The following RIN3 variants were observed in gnomAD, a reference collection of about 807,000 sequenced individuals.
RIN3 encodes RAB5 interacting protein 3.
RIN3 carries 54 observed loss-of-function variants against 76.3 expected under a neutral mutation model. The ratio of observed to expected loss-of-function variants is 0.71; its 90% CI spans 0.57 to 0.89. The LOEUF (loss-of-function observed/expected upper bound fraction) is 0.89, where lower values mean the gene tolerates loss of function less well. Ranked by LOEUF, RIN3 falls within the 40% of genes least tolerant of loss-of-function variation. The probability of loss-of-function intolerance (pLI) is 0.00; values close to 1 mark genes in which losing one functional copy is unlikely to be tolerated. For missense variants in RIN3, 1,256 were observed against 1,322.1 expected (o/e 0.95, Z 0.78); for synonymous variants, 576 against 564.0 (o/e 1.02, Z -0.30).
chr14:92,669,002 A>T (rs1888200301), intron 7 of RIN3, among the ~76,000 whole-genome samples: 1 of 152,252 alleles, frequency 6.6e-6, no homozygotes, highest in South Asian at 2.1e-4. Context: ...GACAATGCAG[A>T]TGTTAAGAAC....
intron 8 of RIN3, among the ~76,000 whole-genome samples, chr14:92,679,458 G>A (rs1888589019): frequency 6.6e-6 from 1 of 152,220 alleles, no homozygotes; most frequent in Non-Finnish European, 1.5e-5. Flanking sequence ...ACAGCACCTA[G>A]GACAGCCAGC....
intron 3 of RIN3, among the ~76,000 whole-genome samples, chr14:92,591,331 A>G (rs752533183): frequency 6.6e-6 from 1 of 152,234 alleles, no homozygotes; most frequent in Non-Finnish European, 1.5e-5. Flanking sequence ...AGAACGGAGT[A>G]TCTAAGAACT....
intron 7 of RIN3, among the ~76,000 whole-genome samples, 200 bp from the exon 8 acceptor site, chr14:92,676,275 A>T (rs1279054941): frequency 6.6e-6 from 1 of 151,830 alleles, no homozygotes; most frequent in Non-Finnish European, 1.5e-5. Flanking sequence ...CTTCTTCCTA[A>T]ACTTGGACTG....
In RIN3 at chr14:92,590,566, C is replaced by T. The variant is rs75809868; in HGVS notation, c.367+13089C>T. 1.1e-4 allele frequency among the ~76,000 whole-genome samples: 16 copies of T among 152,338 alleles called. No homozygotes were observed. In the East Asian group the frequency reaches 2.3e-3, roughly 22 times the overall value. ...GGTTTCACCAGAAGCTGAGCTGATACGAGCACCGTGCTTCCTGTAAAGCCT... is the reference window on the plus strand; with the variant it reads ...GGTTTCACCAGAAGCTGAGCTGATATGAGCACCGTGCTTCCTGTAAAGCCT... On this transcript the variant is annotated intron_variant, in intron 3 of 9. Transcript: ENST00000216487.
chr14:92,521,155 C>T (rs768830131), intron 1 of RIN3, among the ~76,000 whole-genome samples: 2 of 151,710 alleles, frequency 1.3e-5, no homozygotes, highest in Non-Finnish European at 2.9e-5. Flanking sequence ...TCCATACATC[C>T]ACCCATCAAC....
intron 1 of RIN3, among the ~76,000 whole-genome samples, chr14:92,549,306 T>G (rs911914220): frequency 6.6e-6 from 1 of 152,144 alleles, no homozygotes; most frequent in Non-Finnish European, 1.5e-5. Context: ...TGGCCAAGTC[T>G]ATACAGGAAG....
Position 92,643,201 on chromosome 14 carries a change from A to G in RIN3, c.532+1872A>G, listed in dbSNP as rs182234292. Among the ~76,000 whole-genome samples, 936 of 152,028 alleles carry G rather than the reference A, an allele frequency of 6.2e-3. 14 individuals are homozygous for G. The highest frequency in any genetic ancestry group is 0.039 in the South Asian group (186 of 4,818). On this transcript the variant is annotated intron_variant, in intron 5 of 9. Coordinates refer to ENST00000216487, the MANE Select transcript of RIN3 (RefSeq NM_024832.5). The surrounding 1 kb of genome is among the most constrained non-coding windows in gnomAD (Gnocchi z 4.8). The stretch of plus-strand genomic sequence containing the variant: ...CCCGAGTAGCTGGGACTACAGGCGC[A>G]TGCCACCACACCTGGCTAATTTTTG...
chr14:92,681,208 A>G lies in RIN3; in HGVS notation c.2468-3779A>G, dbSNP rs565208008. 1.3e-5 allele frequency among the ~76,000 whole-genome samples: 2 copies of G among 152,294 alleles called. No homozygotes were observed. Among genetic ancestry groups the G allele is most frequent in the African/African-American group, 2.4e-5 (1 of 41,562 alleles). ...CAATCAACGCATTCGCCCCAGAGAGAAAAGCCTGCTCCAGAACTCACGGTA... is the reference window on the plus strand; with the variant it reads ...CAATCAACGCATTCGCCCCAGAGAGGAAAGCCTGCTCCAGAACTCACGGTA... On this transcript the variant is annotated intron_variant, in intron 8 of 9. Transcript: ENST00000216487. The surrounding 1 kb of genome is among the most constrained non-coding windows in gnomAD (Gnocchi z 4.7).
At chr14:92,551,370 A>G (rs1030375546) in intron 1 of RIN3, among the ~76,000 whole-genome samples, 1 of 152,134 alleles carries the variant, frequency 6.6e-6, no homozygotes, top group Non-Finnish European at 1.5e-5. Context: ...GGACACTGGA[A>G]CCAGGTGGTA....
chr14:92,635,329 T>C (rs1886736263), intron 4 of RIN3, among the ~76,000 whole-genome samples: 1 of 152,034 alleles, frequency 6.6e-6, no homozygotes, highest in Non-Finnish European at 1.5e-5. Flanking sequence ...GAAGCTGAGG[T>C]TGGAGGACTG....
At position 92,643,188 on chromosome 14, in the gene RIN3, G is replaced by A. The variant is rs1453533778; in HGVS notation, c.532+1859G>A. 6.6e-6 allele frequency among the ~76,000 whole-genome samples: 1 copy of A among 152,062 alleles called. No homozygotes were observed. The highest frequency in any genetic ancestry group is 1.5e-5 in the Non-Finnish European group (1 of 68,026). On this transcript the variant is annotated intron_variant, in intron 5 of 9. Coordinates refer to ENST00000216487, the MANE Select transcript of RIN3 (RefSeq NM_024832.5). The surrounding 1 kb of genome is among the most constrained non-coding windows in gnomAD (Gnocchi z 4.8). ...TCTGCCTCAGCCTCCCGAGTAGCTGGGACTACAGGCGCATGCCACCACACC... is the reference window on the plus strand; with the variant it reads ...TCTGCCTCAGCCTCCCGAGTAGCTGAGACTACAGGCGCATGCCACCACACC...
At chr14:92,670,782 C>T (rs1888262409) in intron 7 of RIN3, among the ~76,000 whole-genome samples, 1 of 152,166 alleles carries the variant, frequency 6.6e-6, no homozygotes, top group African/African-American at 2.4e-5. Flanking sequence ...AGTCAGCTCG[C>T]ACCAGCTCGT....
chr14:92,581,989 CG>C (rs1246307955), intron 3 of RIN3, among the ~76,000 whole-genome samples: 1 of 152,064 alleles, frequency 6.6e-6, no homozygotes, highest in Non-Finnish European at 1.5e-5. Flanking sequence ...AGACAGCACC[CG>C]GGGGATGGTG....
intron 2 of RIN3, among the ~76,000 whole-genome samples, chr14:92,564,980 G>A (rs56152605): frequency 0.38 from 58,407 of 152,006 alleles, 11,470 homozygotes; most frequent in African/African-American, 0.42. Flanking sequence ...GGGCCCTACC[G>A]TGGGCATGAA....
intron 1 of RIN3, among the ~76,000 whole-genome samples, chr14:92,520,632 A>G (rs1307703864): frequency 3.3e-5 from 5 of 152,250 alleles, no homozygotes; most frequent in Non-Finnish European, 7.3e-5. Flanking sequence ...AGGGCACCCC[A>G]ACAGTAGCAG....
intron 1 of RIN3, chr14:92,515,350 G>T: frequency 1.5e-6 from 1 of 674,566 alleles, no homozygotes; most frequent in Non-Finnish European, 2.7e-6. Context: ...GGAGGAAGGG[G>T]AGGTGAGGGG....
At chr14:92,577,226 T>C (rs1287304299) in intron 2 of RIN3, 134 bp from the exon 3 acceptor site, 1 of 623,382 alleles carries the variant, frequency 1.6e-6, no homozygotes, top group South Asian at 1.8e-5. Context: ...CCAGTGTCCC[T>C]GAGGCATCCT....
intron 7 of RIN3, among the ~76,000 whole-genome samples, chr14:92,662,986 T>G (rs1167665930): frequency 1.3e-5 from 2 of 151,978 alleles, no homozygotes; most frequent in African/African-American, 4.8e-5. Flanking sequence ...AATTTTTGTA[T>G]TTTTTGTAAA....
intron 3 of RIN3, among the ~76,000 whole-genome samples, chr14:92,582,165 T>C (rs1884568907): frequency 6.6e-6 from 1 of 152,132 alleles, no homozygotes; most frequent in South Asian, 2.1e-4. Flanking sequence ...AAGCGAAGAA[T>C]TTTTTCAAGC....
Sources: allele counts gnomAD v4.1 joint callset (sites outside exome capture counted in the v4.1 genomes callset), GRCh38; gene constraint gnomAD v4.1.1; non-coding constraint Gnocchi (gnomAD v3.1); transcripts MANE v1.5; gene names NCBI Gene and HGNC (gene_info 2026-07-23, HGNC 2026-07-21).